MAGI1: variants seen among roughly 807,000 people sequenced by gnomAD.
MAGI1 encodes membrane associated guanylate kinase, WW and PDZ domain containing 1.
In MAGI1, 58 loss-of-function variants were observed where a neutral mutation model predicts 139.9. The ratio of observed to expected loss-of-function variants is 0.41; its 90% CI spans 0.34 to 0.52. MAGI1 has a LOEUF of 0.52. Ranked by LOEUF, MAGI1 falls within the 20% of genes least tolerant of loss-of-function variation. The probability of loss-of-function intolerance (pLI) is 0.12; values close to 1 mark genes in which losing one functional copy is unlikely to be tolerated. For synonymous variants in MAGI1, 812 were observed against 737.9 expected (o/e 1.10, Z -1.63); for missense variants, 1,874 against 1,901.6 (o/e 0.99, Z 0.27).
At chr3:65,566,703 C>A (rs2080670331) in intron 2 of MAGI1, among the ~76,000 whole-genome samples, 1 of 152,080 alleles carries the variant, frequency 6.6e-6, no homozygotes, top group South Asian at 2.1e-4. Context: ...ATAAATAACC[C>A]AAAAGACAAT....
chr3:65,478,214 T>C (rs563173340), intron 4 of MAGI1, among the ~76,000 whole-genome samples: 1 of 152,096 alleles, frequency 6.6e-6, no homozygotes, highest in South Asian at 2.1e-4. Flanking sequence ...TTTTGCTTCA[T>C]AGCAACCAGC....
At chr3:65,908,521 T>TGG (rs1445869603) in intron 1 of MAGI1, among the ~76,000 whole-genome samples, 3 of 152,312 alleles carry the variant, frequency 2.0e-5, no homozygotes, top group African/African-American at 7.2e-5. Flanking sequence ...CCTGACTTCG[T>TGG]GATCCACCCG....
chr3:65,479,502 C>T (rs1951116265), intron 3 of MAGI1, among the ~76,000 whole-genome samples: 1 of 152,100 alleles, frequency 6.6e-6, no homozygotes, highest in African/African-American at 2.4e-5. Flanking sequence ...CTCACTTGTA[C>T]ATAAATAGAT....
At chr3:65,441,574 T>A (rs995353762) in intron 8 of MAGI1, among the ~76,000 whole-genome samples, 10 of 152,204 alleles carry the variant, frequency 6.6e-5, no homozygotes, top group African/African-American at 2.4e-4. Flanking sequence ...AAAGCTTTTG[T>A]CATCTGTTCC....
intron 1 of MAGI1, among the ~76,000 whole-genome samples, chr3:65,717,091 C>CATGAATCAA (rs1272115556): frequency 2.0e-5 from 3 of 152,142 alleles, no homozygotes; most frequent in Admixed American, 1.3e-4. Context: ...GGGCAAATCA[C>CATGAATCAA]ATGAATCTTT....
At position 65,356,435 on chromosome 3, in the gene MAGI1, A is replaced by G; in HGVS notation, c.4332T>C (p.His1444=). 6.2e-7 allele frequency: 1 copy of G among 1,608,152 alleles called. No homozygotes were observed. The change falls in exon 23 of 23, where the codon CAT becomes CAC. Residue 1444 remains histidine, a synonymous_variant. Coordinates refer to ENST00000402939, the MANE Select transcript of MAGI1 (RefSeq NM_001033057.2). Reference sequence around the variant, plus strand: ...AAGGTCGCCTTCTCTGCTCCGGGGGATGTCTGGAACTTCTGCCGGCATCCT... The same window carrying G: ...AAGGTCGCCTTCTCTGCTCCGGGGGGTGTCTGGAACTTCTGCCGGCATCCT... ...LKQDAGRSSR[H]PPEQRRRPYK...
intron 1 of MAGI1, among the ~76,000 whole-genome samples, chr3:65,780,443 C>A (rs1343853219): frequency 6.6e-6 from 1 of 152,096 alleles, no homozygotes; most frequent in Non-Finnish European, 1.5e-5. Context: ...GTTCTATAAC[C>A]ACAGTACTAA....
intron 1 of MAGI1, among the ~76,000 whole-genome samples, chr3:65,822,753 G>C (rs2042016719): frequency 6.6e-6 from 1 of 152,142 alleles, no homozygotes; most frequent in African/African-American, 2.4e-5. Context: ...GGAAGATAGA[G>C]TGTGAGGGTA....
chr3:65,922,381 C>G (rs984022842), intron 1 of MAGI1, among the ~76,000 whole-genome samples: 1 of 152,096 alleles, frequency 6.6e-6, no homozygotes, highest in African/African-American at 2.4e-5. Context: ...ATCCCTAAAA[C>G]CAATATGACT....
intron 1 of MAGI1, among the ~76,000 whole-genome samples, chr3:65,689,086 G>C (rs2088329971): frequency 6.6e-6 from 1 of 152,192 alleles, no homozygotes; most frequent in Non-Finnish European, 1.5e-5. Flanking sequence ...AATGCAACTT[G>C]ACACTCACAA....
chr3:65,535,616 GTTTC>G (rs2078927028), intron 2 of MAGI1, among the ~76,000 whole-genome samples: 5 of 152,188 alleles, frequency 3.3e-5, no homozygotes, highest in Admixed American at 3.3e-4. Context: ...CAAATGTTCA[GTTTC>G]TTTCTCTTCT....
chr3:65,544,629 G>A (rs1261088765), intron 2 of MAGI1, among the ~76,000 whole-genome samples: 1 of 152,122 alleles, frequency 6.6e-6, no homozygotes, highest in African/African-American at 2.4e-5. Context: ...AGAATGGGAG[G>A]ATGTGTGGTC....
At chr3:65,847,751 G>A (rs1218910593) in intron 1 of MAGI1, among the ~76,000 whole-genome samples, 1 of 152,144 alleles carries the variant, frequency 6.6e-6, no homozygotes, top group Non-Finnish European at 1.5e-5. Context: ...TAAGTTAAAT[G>A]TGCTTTTGAT....
intron 1 of MAGI1, among the ~76,000 whole-genome samples, chr3:65,796,239 A>C (rs1441894567): frequency 1.3e-5 from 2 of 151,574 alleles, no homozygotes; most frequent in African/African-American, 4.9e-5. Context: ...TTTTAAGGCT[A>C]TTTTCTTTTA....
At chr3:65,486,608 G>C (rs549860412) in intron 3 of MAGI1, among the ~76,000 whole-genome samples, 14 of 152,334 alleles carry the variant, frequency 9.2e-5, no homozygotes, top group Admixed American at 2.6e-4. Flanking sequence ...GCTTATTCTT[G>C]TCTTCTTTAC....
intron 1 of MAGI1, chr3:65,687,398 G>T: frequency 2.8e-6 from 1 of 352,996 alleles, no homozygotes; most frequent in South Asian, 2.9e-5. Context: ...TATCCCGTTT[G>T]ATTTCTATTT....
chr3:66,028,085 G>A (rs778904196), intron 1 of MAGI1, among the ~76,000 whole-genome samples: 1 of 152,152 alleles, frequency 6.6e-6, no homozygotes, highest in Admixed American at 6.5e-5. Context: ...CAGGCAGATC[G>A]CTTGAGCCCA....
At chr3:65,960,183 T>C (rs1266548109) in intron 1 of MAGI1, among the ~76,000 whole-genome samples, 2 of 152,154 alleles carry the variant, frequency 1.3e-5, no homozygotes, top group Non-Finnish European at 2.9e-5. Flanking sequence ...ACTGCAGCTC[T>C]GTATGTTTCC....
chr3:65,956,635 G>A (rs960620368), intron 1 of MAGI1, among the ~76,000 whole-genome samples: 3 of 152,288 alleles, frequency 2.0e-5, no homozygotes, highest in African/African-American at 4.8e-5. Context: ...CGACAAGGAC[G>A]TTAAATAATG....
Sources: allele counts gnomAD v4.1 joint callset (sites outside exome capture counted in the v4.1 genomes callset), GRCh38; gene constraint gnomAD v4.1.1; transcripts MANE v1.5; gene names NCBI Gene and HGNC (gene_info 2026-07-23, HGNC 2026-07-21).